ARF6: variants seen among roughly 807,000 people sequenced by gnomAD.
The protein encoded by ARF6 is ADP-ribosylation factor 6.
For missense variants in ARF6, 75 were observed against 232.0 expected, an observed-to-expected ratio of 0.32 and a Z score of 4.40; for synonymous variants, 127 against 95.5, an observed-to-expected ratio of 1.33 and a Z score of -1.92.
chr14:49,896,064 G>C lies in ARF6; in HGVS notation c.*1800G>C, dbSNP rs1298142271. On this transcript the variant is annotated 3_prime_UTR_variant, in exon 2 of 2. Coordinates refer to ENST00000298316, the MANE Select transcript of ARF6 (RefSeq NM_001663.4). Reference sequence around the variant, plus strand: ...GTATAATGGAGCTTTTACCAAAGATGTATGAGAAGTGTAAGACTATAAAAA... The same window carrying C: ...GTATAATGGAGCTTTTACCAAAGATCTATGAGAAGTGTAAGACTATAAAAA... The C allele has an allele frequency of 6.0e-6, 1 of 165,414 alleles. No individual in the cohort carries two copies. The highest frequency in any genetic ancestry group is 1.9e-4 in the East Asian group (1 of 5,194). The allele number at this position is 165,414 out of a possible 1,614,324, so 10.2% of individuals were successfully genotyped here.
At position 49,895,426 on chromosome 14, in the gene ARF6, A is replaced by G. The variant is rs542052987; in HGVS notation, c.*1162A>G. On this transcript the variant is annotated 3_prime_UTR_variant, in exon 2 of 2. Transcript: ENST00000298316. ...ACTGATTAAGCTGAAGCTGTAAGTC[A>G]TTTTTTATAGATGAGTGATCCGCAT... is the stretch of plus-strand genomic sequence containing the variant. The G allele has an allele frequency of 7.8e-5, 13 of 167,232 alleles. No individual in the cohort carries two copies. In the South Asian group the frequency reaches 2.3e-3, roughly 29 times the overall value. 10.4% of individuals were successfully genotyped at this position (167,232 alleles called of 1,614,324 possible). A position where few individuals can be genotyped will look rare whatever the true frequency, so the allele number is the denominator to read the frequency against.
At position 49,894,378 on chromosome 14, in the gene ARF6, T is replaced by A; in HGVS notation, c.*114T>A. ...TTTCTCTTCTTTTGAATTTGAACTCTGGAGTTACTGTTCTACAGTTTGGCG... is the reference window on the plus strand; with the variant it reads ...TTTCTCTTCTTTTGAATTTGAACTCAGGAGTTACTGTTCTACAGTTTGGCG... On this transcript the variant is annotated 3_prime_UTR_variant, in exon 2 of 2. Coordinates refer to ENST00000298316, the MANE Select transcript of ARF6 (RefSeq NM_001663.4). The A allele has an allele frequency of 8.8e-7, 1 of 1,132,370 alleles. No homozygotes were observed. Among genetic ancestry groups the A allele is most frequent in the Non-Finnish European group, 1.2e-6 (1 of 809,040 alleles). The allele number at this position is 1,132,370 out of a possible 1,614,324, so 70.1% of individuals were successfully genotyped here.
rs1835486524 is a variant in ARF6 at position 49,895,565 on chromosome 14, C to T, written c.*1301C>T. 1 of 167,082 alleles carries T rather than the reference C, an allele frequency of 6.0e-6. No homozygotes were observed. Among genetic ancestry groups the T allele is most frequent in the South Asian group, 2.1e-4 (1 of 4,826 alleles). 10.3% of individuals were successfully genotyped at this position (167,082 alleles called of 1,614,324 possible). ...GATATCCTGTTGGTTCAATAGTACACTGTCTCCTTTAAGGAAGGAAGCGTG... is the reference window on the plus strand; with the variant it reads ...GATATCCTGTTGGTTCAATAGTACATTGTCTCCTTTAAGGAAGGAAGCGTG... On this transcript the variant is annotated 3_prime_UTR_variant, in exon 2 of 2. Transcript: ENST00000298316.
Position 49,894,392 on chromosome 14 carries a change from T to G in ARF6, c.*128T>G. The stretch of plus-strand genomic sequence containing the variant: ...AATTTGAACTCTGGAGTTACTGTTC[T>G]ACAGTTTGGCGGGGACGGGGCTTGG... On this transcript the variant is annotated 3_prime_UTR_variant, in exon 2 of 2. Coordinates refer to ENST00000298316, the MANE Select transcript of ARF6 (RefSeq NM_001663.4). 9.7e-7 allele frequency: 1 copy of G among 1,034,510 alleles called. No homozygotes were observed. 64.1% of individuals were successfully genotyped at this position (1,034,510 alleles called of 1,614,324 possible).
In ARF6 at chr14:49,896,666, A is replaced by T. The variant is rs1284977641; in HGVS notation, c.*2402A>T. 1 of 167,014 alleles carries T rather than the reference A, an allele frequency of 6.0e-6. No homozygotes were observed. The highest frequency in any genetic ancestry group is 1.5e-5 in the Non-Finnish European group (1 of 68,102). The allele number at this position is 167,014 out of a possible 1,614,324, so 10.3% of individuals were successfully genotyped here. A position where few individuals can be genotyped will look rare whatever the true frequency, so the allele number is the denominator to read the frequency against. On this transcript the variant is annotated 3_prime_UTR_variant, in exon 2 of 2. Coordinates refer to ENST00000298316, the MANE Select transcript of ARF6 (RefSeq NM_001663.4). ...GGGGGAGGGGGAAGCAAATATTTGA[A>T]ATTTGGAAAACCCTAAACCTTTTGG...
chr14:49,895,974 CTA>C lies in ARF6; in HGVS notation c.*1711_*1712del. 6.0e-6 allele frequency: 1 copy of C among 167,036 alleles called. No individual in the cohort carries two copies. The highest frequency in any genetic ancestry group is 3.4e-3 in the Middle Eastern group (1 of 296). 10.3% of individuals were successfully genotyped at this position (167,036 alleles called of 1,614,324 possible). On this transcript the variant is annotated 3_prime_UTR_variant, in exon 2 of 2. Coordinates refer to ENST00000298316, the MANE Select transcript of ARF6 (RefSeq NM_001663.4). ...TTTTGTTTATGAGGGTGTCTGAAAA[CTA>C]AAATTGAGCGGGATATCATGGTATA...
In ARF6 at chr14:49,895,026, C is replaced by G. The variant is rs1485184980; in HGVS notation, c.*762C>G. ...CATGAGTAGGAATAAAACCCAAGTT[C>G]CCCATAACGTAGATAACTTAATGCT... On this transcript the variant is annotated 3_prime_UTR_variant, in exon 2 of 2. Transcript: ENST00000298316. 1 of 167,012 alleles carries G rather than the reference C, an allele frequency of 6.0e-6. No homozygotes were observed. The highest frequency in any genetic ancestry group is 1.5e-5 in the Non-Finnish European group (1 of 68,120). 10.3% of individuals were successfully genotyped at this position (167,012 alleles called of 1,614,324 possible). A position where few individuals can be genotyped will look rare whatever the true frequency, so the allele number is the denominator to read the frequency against.
Position 49,896,650 on chromosome 14 carries a change from G to A in ARF6, c.*2386G>A, listed in dbSNP as rs1019924208. On this transcript the variant is annotated 3_prime_UTR_variant, in exon 2 of 2. Transcript: ENST00000298316. ...ATGTTTGACTGGAAAGGGGGGAGGG[G>A]GAAGCAAATATTTGAAATTTGGAAA... 6.6e-5 allele frequency: 11 copies of A among 166,748 alleles called. No homozygotes were observed. The highest frequency in any genetic ancestry group is 2.7e-4 in the African/African-American group (11 of 41,318). The allele number at this position is 166,748 out of a possible 1,614,324, so 10.3% of individuals were successfully genotyped here.
In ARF6 at chr14:49,893,576, G is replaced by C. The variant is rs901852424; in HGVS notation, c.-161G>C. Reference sequence around the variant, plus strand: ...TGCGGTCGGTGATGCCCGAGTGAGCGGGGGGCCTGGGCCTCTGCCCTTAGG... The same window carrying C: ...TGCGGTCGGTGATGCCCGAGTGAGCCGGGGGCCTGGGCCTCTGCCCTTAGG... On this transcript the variant is annotated 5_prime_UTR_variant, in exon 2 of 2. Transcript: ENST00000298316. 5 of 794,452 alleles carry C rather than the reference G, an allele frequency of 6.3e-6. No homozygotes were observed. Among genetic ancestry groups the C allele is most frequent in the Admixed American group, 2.9e-5 (1 of 34,832 alleles). 49.2% of individuals were successfully genotyped at this position (794,452 alleles called of 1,614,324 possible).
chr14:49,893,620 C>T lies in ARF6; in HGVS notation c.-117C>T. The T allele has an allele frequency of 1.5e-6, 2 of 1,371,308 alleles. No individual in the cohort carries two copies. Among genetic ancestry groups the T allele is most frequent in the South Asian group, 1.3e-5 (1 of 74,596 alleles). 84.9% of individuals were successfully genotyped at this position (1,371,308 alleles called of 1,614,324 possible). On this transcript the variant is annotated 5_prime_UTR_variant, in exon 2 of 2. Coordinates refer to ENST00000298316, the MANE Select transcript of ARF6 (RefSeq NM_001663.4). ...CCTTAGGAGGCAACTCCCACGCAGGCCGCAAAGGCGCTCTCGCGGCCGAGA... is the reference window on the plus strand; with the variant it reads ...CCTTAGGAGGCAACTCCCACGCAGGTCGCAAAGGCGCTCTCGCGGCCGAGA...
Position 49,895,494 on chromosome 14 carries a change from G to A in ARF6, c.*1230G>A, listed in dbSNP as rs1259557675. The A allele has an allele frequency of 1.8e-5, 3 of 166,996 alleles. No homozygotes were observed. Among genetic ancestry groups the A allele is most frequent in the Non-Finnish European group, 4.4e-5 (3 of 68,112 alleles). The allele number at this position is 166,996 out of a possible 1,614,324, so 10.3% of individuals were successfully genotyped here. ...CTGGAAAAGATGTTTTATAAAAGAGGTATTTAATTTTGTTTGTAGGATTAA... is the reference window on the plus strand; with the variant it reads ...CTGGAAAAGATGTTTTATAAAAGAGATATTTAATTTTGTTTGTAGGATTAA... On this transcript the variant is annotated 3_prime_UTR_variant, in exon 2 of 2. Coordinates refer to ENST00000298316, the MANE Select transcript of ARF6 (RefSeq NM_001663.4).
rs534880102 is a variant in ARF6 at position 49,896,511 on chromosome 14, A to C, written c.*2247A>C. On this transcript the variant is annotated 3_prime_UTR_variant, in exon 2 of 2. Coordinates refer to ENST00000298316, the MANE Select transcript of ARF6 (RefSeq NM_001663.4). ...AACTTGTGAAGACAGATTGGTAGGC[A>C]GCCATTTTTTTGTGTCTTAAAATAA... 3.3e-4 allele frequency: 55 copies of C among 167,178 alleles called. No homozygotes were observed. Among genetic ancestry groups the C allele is most frequent in the African/African-American group, 1.2e-3 (51 of 41,574 alleles). 10.4% of individuals were successfully genotyped at this position (167,178 alleles called of 1,614,324 possible). A position where few individuals can be genotyped will look rare whatever the true frequency, so the allele number is the denominator to read the frequency against.
chr14:49,894,283 C>G lies in ARF6; in HGVS notation c.*19C>G, dbSNP rs1408616062. On this transcript the variant is annotated 3_prime_UTR_variant, in exon 2 of 2. Transcript: ENST00000298316. ...ATCTTAATGAGCATTCTCCACCCAT[C>G]CCCTGGAAGGAGAGAAATCAAAAAC... 2 of 1,584,778 alleles carry G rather than the reference C, an allele frequency of 1.3e-6. No individual in the cohort carries two copies. Among genetic ancestry groups the G allele is most frequent in the Non-Finnish European group, 1.7e-6 (2 of 1,160,992 alleles).
Position 49,893,494 on chromosome 14 carries a change from G to T in ARF6, c.-243G>T. The T allele has an allele frequency of 2.1e-6, 1 of 468,574 alleles. No homozygotes were observed. Among genetic ancestry groups the T allele is most frequent in the Non-Finnish European group, 3.8e-6 (1 of 264,696 alleles). The allele number at this position is 468,574 out of a possible 1,614,324, so 29.0% of individuals were successfully genotyped here. On this transcript the variant is annotated 5_prime_UTR_variant, in exon 2 of 2. Transcript: ENST00000298316. Reference sequence around the variant, plus strand: ...CCGGGCCGCGCCTCAGCAGGGCGGCGGCTCCCAGCGCAGTCTCAGGGCCCG... The same window carrying T: ...CCGGGCCGCGCCTCAGCAGGGCGGCTGCTCCCAGCGCAGTCTCAGGGCCCG...
chr14:49,896,225 G>T lies in ARF6; in HGVS notation c.*1961G>T. 1 of 166,844 alleles carries T rather than the reference G, an allele frequency of 6.0e-6. No homozygotes were observed. The allele number at this position is 166,844 out of a possible 1,614,324, so 10.3% of individuals were successfully genotyped here. A position where few individuals can be genotyped will look rare whatever the true frequency, so the allele number is the denominator to read the frequency against. ...ATACAACTAAAGTACGAAGTTCTCA[G>T]TTTCACTTTAGTAGAAAGAGCTCTA... On this transcript the variant is annotated 3_prime_UTR_variant, in exon 2 of 2. Coordinates refer to ENST00000298316, the MANE Select transcript of ARF6 (RefSeq NM_001663.4).
In ARF6 at chr14:49,895,668, A is replaced by T. The variant is rs961515634; in HGVS notation, c.*1404A>T. 6.0e-6 allele frequency: 1 copy of T among 167,044 alleles called. No homozygotes were observed. Among genetic ancestry groups the T allele is most frequent in the Non-Finnish European group, 1.5e-5 (1 of 68,102 alleles). 10.3% of individuals were successfully genotyped at this position (167,044 alleles called of 1,614,324 possible). ...TGAAGAGAAAGAACCTACAGATGAC[A>T]ATGAATGTAAACTTATTTTTCTTCA... is the stretch of plus-strand genomic sequence containing the variant. On this transcript the variant is annotated 3_prime_UTR_variant, in exon 2 of 2. Coordinates refer to ENST00000298316, the MANE Select transcript of ARF6 (RefSeq NM_001663.4).
chr14:49,893,577 G>C lies in ARF6; in HGVS notation c.-160G>C, dbSNP rs1288788315. 1 of 804,866 alleles carries C rather than the reference G, an allele frequency of 1.2e-6. No individual in the cohort carries two copies. The highest frequency in any genetic ancestry group is 2.9e-5 in the Admixed American group (1 of 34,954). The allele number at this position is 804,866 out of a possible 1,614,324, so 49.9% of individuals were successfully genotyped here. A position where few individuals can be genotyped will look rare whatever the true frequency, so the allele number is the denominator to read the frequency against. On this transcript the variant is annotated 5_prime_UTR_variant, in exon 2 of 2. Transcript: ENST00000298316. ...GCGGTCGGTGATGCCCGAGTGAGCG[G>C]GGGGCCTGGGCCTCTGCCCTTAGGA...
rs1894488060 is a variant in ARF6, at chr14:49,894,123, C to T, written c.387C>T (p.Ala129=). 1 of 1,614,044 alleles carries T rather than the reference C, an allele frequency of 6.2e-7. No homozygotes were observed. The highest frequency in any genetic ancestry group is 1.3e-5 in the African/African-American group (1 of 74,922). The stretch of plus-strand genomic sequence containing the variant: ...CCAACAAGCAGGACCTGCCCGATGC[C>T]ATGAAACCCCACGAGATCCAGGAGA... ...IFANKQDLPD[A]MKPHEIQEKL... The change falls in exon 2 of 2, where the codon GCC becomes GCT. Residue 129 remains alanine, a synonymous_variant. Coordinates refer to ENST00000298316, the MANE Select transcript of ARF6 (RefSeq NM_001663.4).
chr14:49,893,641 C>T lies in ARF6; in HGVS notation c.-96C>T. The T allele has an allele frequency of 1.3e-6, 2 of 1,495,324 alleles. No individual in the cohort carries two copies. Among genetic ancestry groups the T allele is most frequent in the South Asian group, 1.3e-5 (1 of 79,026 alleles). 92.6% of individuals were successfully genotyped at this position (1,495,324 alleles called of 1,614,324 possible). ...CAGGCCGCAAAGGCGCTCTCGCGGC[C>T]GAGAGGCTTCGTTTCGGTTTCGCGG... On this transcript the variant is annotated 5_prime_UTR_variant, in exon 2 of 2. Transcript: ENST00000298316.
Sources: gnomAD v4.1 joint callset for allele counts on GRCh38, gnomAD v4.1.1 for gene constraint, MANE v1.5 for transcripts, NCBI Gene and HGNC (gene_info 2026-07-23, HGNC 2026-07-21) for gene names.